SAMMSON: variants seen among roughly 807,000 people sequenced by gnomAD.
SAMMSON encodes long intergenic non-protein coding RNA 1212.
intron 2 of SAMMSON, among the ~76,000 whole-genome samples, chr3:70,012,946 T>TA (rs1434520335): frequency 6.6e-6 from 1 of 152,136 alleles, no homozygotes; most frequent in Non-Finnish European, 1.5e-5. Flanking sequence ...AAAGGCTGAG[T>TA]AAAGAAGATA....
At chr3:70,372,556 T>C in intron 9 of SAMMSON, among the ~76,000 whole-genome samples, 1 of 152,146 alleles carries the variant, frequency 6.6e-6, no homozygotes, top group East Asian at 1.9e-4. Flanking sequence ...TGCCTTGGCC[T>C]CCCAAGGTGC....
In SAMMSON at chr3:70,246,317, G is replaced by A. The variant is rs564325663; in HGVS notation, n.508-2790G>A. ...TTGAGCAACATGTCAGAAACAGTTT[G>A]AACGTAAGCTGGAAAGAAACTGTCT... is the stretch of plus-strand genomic sequence containing the variant. On this transcript the variant is annotated intron_variant and non_coding_transcript_variant, in intron 4 of 9. Transcript: ENST00000642114. 2.0e-5 allele frequency among the ~76,000 whole-genome samples: 3 copies of A among 152,210 alleles called. 1 individual carries two copies. The highest frequency in any genetic ancestry group is 4.8e-5 in the African/African-American group (2 of 41,560).
chr3:70,166,949 A>G (rs998414742), intron 4 of SAMMSON, among the ~76,000 whole-genome samples: 1 of 151,996 alleles, frequency 6.6e-6, no homozygotes, highest in Non-Finnish European at 1.5e-5. Context: ...TTCTATATCA[A>G]TGCTGTCCAA....
At chr3:70,291,999 GA>G (rs1702243871) in intron 7 of SAMMSON, 1 of 152,122 alleles carries the variant, frequency 6.6e-6, no homozygotes, top group Non-Finnish European at 1.5e-5. Flanking sequence ...TCATATACAA[GA>G]CACGATGGTT....
At chr3:70,291,998 A>G (rs1702243823) in intron 7 of SAMMSON, 1 of 152,196 alleles carries the variant, frequency 6.6e-6, no homozygotes, top group African/African-American at 2.4e-5. Flanking sequence ...ATCATATACA[A>G]GACACGATGG....
chr3:70,363,800 CTG>C (rs10542257), intron 9 of SAMMSON, among the ~76,000 whole-genome samples: 94,944 of 146,580 alleles, frequency 0.65, 30,342 homozygotes, highest in African/African-American at 0.71. Context: ...ATTGCATTGT[CTG>C]TGTGTGTGTG....
intron 7 of SAMMSON, among the ~76,000 whole-genome samples, chr3:70,313,646 G>A (rs984628415): frequency 6.6e-6 from 1 of 152,014 alleles, no homozygotes; most frequent in African/African-American, 2.4e-5. Flanking sequence ...GTCTCAAGGT[G>A]GCTTGCCTCC....
intron 4 of SAMMSON, among the ~76,000 whole-genome samples, chr3:70,241,489 G>T (rs1701667074): frequency 6.6e-6 from 1 of 152,112 alleles, no homozygotes; most frequent in Non-Finnish European, 1.5e-5. Flanking sequence ...GTAATGGGAG[G>T]TATGGTAGGA....
intron 6 of SAMMSON, among the ~76,000 whole-genome samples, chr3:70,284,788 T>C (rs1702125728): frequency 6.6e-6 from 1 of 152,058 alleles, no homozygotes; most frequent in African/African-American, 2.4e-5. Context: ...GGAAAATAAC[T>C]AATGGGTACT....
intron 3 of SAMMSON, among the ~76,000 whole-genome samples, chr3:70,061,154 A>G (rs1158371888): frequency 1.3e-5 from 2 of 152,076 alleles, no homozygotes; most frequent in African/African-American, 4.8e-5. Flanking sequence ...GCCATTCATG[A>G]GTAATAGACA....
intron 4 of SAMMSON, among the ~76,000 whole-genome samples, chr3:70,241,724 C>G (rs1261005380): frequency 6.6e-6 from 1 of 152,148 alleles, no homozygotes; most frequent in African/African-American, 2.4e-5. Flanking sequence ...ATTGCGGCTA[C>G]TAAGGCGTCT....
chr3:70,101,779 C>G (rs2067347537), intron 4 of SAMMSON, among the ~76,000 whole-genome samples: 1 of 151,988 alleles, frequency 6.6e-6, no homozygotes, highest in Non-Finnish European at 1.5e-5. Flanking sequence ...GGAAACAGAC[C>G]AAAAAGGTTA....
chr3:70,401,652 A>G (rs1244414127), intron 2 of SAMMSON, among the ~76,000 whole-genome samples: 1 of 152,028 alleles, frequency 6.6e-6, no homozygotes, highest in Non-Finnish European at 1.5e-5. Flanking sequence ...TTTGCAATTC[A>G]AAAACATTAT....
At chr3:70,012,403 C>G (rs879740690) in exon 2 of SAMMSON, 5 of 151,736 alleles carry the variant, frequency 3.3e-5, no homozygotes, top group African/African-American at 9.7e-5. Flanking sequence ...AAAGAGGAAG[C>G]CATGAGGGTC....
rs533411428 is a variant in SAMMSON at position 70,045,050 on chromosome 3, TA to T, written n.418-26424del. Among the ~76,000 whole-genome samples the T allele has an allele frequency of 6.6e-3, 780 of 118,566 alleles. 19 individuals are homozygous for T. Among genetic ancestry groups the T allele is most frequent in the African/African-American group, 0.025 (724 of 29,468 alleles). The allele number at this position is 118,566 out of a possible 152,430, so 77.8% of individuals were successfully genotyped here. On this transcript the variant is annotated intron_variant and non_coding_transcript_variant, in intron 3 of 9. Transcript: ENST00000642114. ...TAATATATATTATAATTAATATATATAATTAATTATAATATATATTATAATT... is the reference window on the plus strand; with the variant it reads ...TAATATATATTATAATTAATATATATATTAATTATAATATATATTATAATT...
chr3:70,042,010 G>T (rs577811876), intron 3 of SAMMSON, among the ~76,000 whole-genome samples: 1 of 152,192 alleles, frequency 6.6e-6, no homozygotes, highest in South Asian at 2.1e-4. Flanking sequence ...GGCTTTGAAT[G>T]AGGTTGCTTT....
At chr3:70,056,689 C>T (rs1318448516) in intron 3 of SAMMSON, among the ~76,000 whole-genome samples, 3 of 151,942 alleles carry the variant, frequency 2.0e-5, no homozygotes, top group African/African-American at 7.2e-5. Context: ...TTATATTTCA[C>T]ATCTAACACT....
intron 9 of SAMMSON, among the ~76,000 whole-genome samples, chr3:70,387,199 A>C (rs547807155): frequency 6.6e-5 from 10 of 152,216 alleles, no homozygotes; most frequent in African/African-American, 2.4e-4. Context: ...GGATTTAAGC[A>C]GTTATTGTCA....
At chr3:70,247,917 T>C (rs1438903784) in intron 4 of SAMMSON, among the ~76,000 whole-genome samples, 1 of 152,114 alleles carries the variant, frequency 6.6e-6, no homozygotes, top group African/African-American at 2.4e-5. Flanking sequence ...AGTAAAGAGA[T>C]GTGTATTCTT....
Sources: gnomAD v4.1 joint callset for allele counts (sites outside exome capture counted in the v4.1 genomes callset) on GRCh38, gnomAD v4.1.1 for gene constraint, MANE v1.5 for transcripts, NCBI Gene and HGNC (gene_info 2026-07-23, HGNC 2026-07-21) for gene names.